The following PCDHGB3 variants were observed in gnomAD, a reference collection of about 807,000 sequenced individuals.
PCDHGB3 encodes protocadherin gamma subfamily B, 3.
A neutral mutation model predicts 59.2 loss-of-function variants in PCDHGB3; 40 were observed. The observed-to-expected ratio is 0.68, with a 90% confidence interval of 0.52 to 0.88. PCDHGB3 has a LOEUF of 0.88. Ranked by LOEUF, PCDHGB3 falls within the 40% of genes least tolerant of loss-of-function variation. PCDHGB3 has a pLI of 0.00. For missense variants in PCDHGB3, 1,309 were observed against 1,187.9 expected (o/e 1.10, Z -1.50); for synonymous variants, 581 against 503.6 (o/e 1.15, Z -2.06).
At chr5:141,383,550 C>T (rs1475330366) in intron 1 of PCDHGB3, 3 of 1,611,980 alleles carry the variant, frequency 1.9e-6, no homozygotes, top group Non-Finnish European at 1.7e-6. Flanking sequence ...CCTCTGATGG[C>T]GGCGACCCGC....
chr5:141,482,472 CTG>C (rs2099561247), intron 1 of PCDHGB3, among the ~76,000 whole-genome samples: 2 of 136,856 alleles, frequency 1.5e-5, no homozygotes, highest in Non-Finnish European at 3.0e-5. Context: ...GTGCCAGACA[CTG>C]TAAACAATTA....
chr5:141,428,349 G>A (rs555622676), intron 1 of PCDHGB3: 93 of 583,074 alleles, frequency 1.6e-4, no homozygotes, highest in African/African-American at 1.5e-3. Flanking sequence ...TCCTCGCAGT[G>A]ATTTTGGCGG....
At chr5:141,398,521 A>C in intron 1 of PCDHGB3, 1 of 1,613,690 alleles carries the variant, frequency 6.2e-7, no homozygotes, top group Non-Finnish European at 8.5e-7. Context: ...CCACACGCCA[A>C]AATTCACGCA....
rs902790467 is a variant in PCDHGB3 at position 141,395,519 on chromosome 5, C to A, written c.2415+22710C>A. 1.5e-5 allele frequency: 6 copies of A among 409,366 alleles called. 1 individual carries two copies. The highest frequency in any genetic ancestry group is 1.3e-4 in the African/African-American group (6 of 47,696). The allele number at this position is 409,366 out of a possible 1,614,324, so 25.4% of individuals were successfully genotyped here. On this transcript the variant is annotated intron_variant, in intron 1 of 3. Transcript: ENST00000576222. ...TTCACTTAAGAAGTAGCTACCCGTC[C>A]ATACTGGTAATTTTGCTATTGTTTG...
chr5:141,374,561 C>A, intron 1 of PCDHGB3: 1 of 1,613,628 alleles, frequency 6.2e-7, no homozygotes. Context: ...GGTCTATGAC[C>A]CTGATGTGGG....
At position 141,485,135 on chromosome 5, in the gene PCDHGB3, G is replaced by A; in HGVS notation, c.2416-9672G>A. 6.7e-7 allele frequency: 1 copy of A among 1,500,498 alleles called. No individual in the cohort carries two copies. Among genetic ancestry groups the A allele is most frequent in the East Asian group, 2.3e-5 (1 of 44,254 alleles). 92.9% of individuals were successfully genotyped at this position (1,500,498 alleles called of 1,614,324 possible). A position where few individuals can be genotyped will look rare whatever the true frequency, so the allele number is the denominator to read the frequency against. On this transcript the variant is annotated intron_variant, in intron 1 of 3. Coordinates refer to ENST00000576222, the MANE Select transcript of PCDHGB3 (RefSeq NM_018924.5). The surrounding 1 kb of genome is among the most constrained non-coding windows in gnomAD (Gnocchi z 5.7). ...TGTTTGGGGCGGGTCGGCTTCATCCGCGTCTCAGGAGCAAGTAGAGAATTA... is the reference window on the plus strand; with the variant it reads ...TGTTTGGGGCGGGTCGGCTTCATCCACGTCTCAGGAGCAAGTAGAGAATTA...
intron 2 of PCDHGB3, 54 bp from the exon 3 acceptor site, chr5:141,505,339 G>A: frequency 1.2e-6 from 2 of 1,612,236 alleles, no homozygotes; most frequent in Middle Eastern, 3.4e-4. Flanking sequence ...GACAGGAGGG[G>A]CATGAGCTGT....
intron 3 of PCDHGB3, among the ~76,000 whole-genome samples, chr5:141,508,761 C>G (rs943236216): frequency 6.6e-6 from 1 of 151,974 alleles, no homozygotes; most frequent in Admixed American, 6.6e-5. Context: ...TCTGGCGCCT[C>G]TGAGGTCCCC....
intron 1 of PCDHGB3, chr5:141,389,656 C>T (rs763730959): frequency 1.2e-6 from 2 of 1,612,538 alleles, no homozygotes; most frequent in Non-Finnish European, 1.7e-6. Context: ...AAGGTAGTGG[C>T]GGTGGACGCA....
rs1257565821 is a variant in PCDHGB3, at chr5:141,487,319, C to G, written c.2416-7488C>G. ...ATTCGTGGCACTACTCTCTAAGTGTCTTCGTGGGGCAGCCTGTGGAGTCAC... is the reference window on the plus strand; with the variant it reads ...ATTCGTGGCACTACTCTCTAAGTGTGTTCGTGGGGCAGCCTGTGGAGTCAC... On this transcript the variant is annotated intron_variant, in intron 1 of 3. Transcript: ENST00000576222. The surrounding 1 kb of genome is among the most constrained non-coding windows in gnomAD (Gnocchi z 5.0). The G allele has an allele frequency of 6.2e-7, 1 of 1,614,052 alleles. No homozygotes were observed. The highest frequency in any genetic ancestry group is 1.3e-5 in the African/African-American group (1 of 74,930).
chr5:141,501,478 T>A (rs536337246), intron 2 of PCDHGB3, among the ~76,000 whole-genome samples: 5 of 151,890 alleles, frequency 3.3e-5, no homozygotes, highest in Non-Finnish European at 7.4e-5. Flanking sequence ...CCTGGAAGAG[T>A]CCCTCATATC....
In PCDHGB3 at chr5:141,491,893, G is replaced by A; in HGVS notation, c.2416-2914G>A. The stretch of plus-strand genomic sequence containing the variant: ...GGCCGATTAAGGGATGGGGCTCCGA[G>A]CACCGGGGGTGGTGGCGACTGTGGG... On this transcript the variant is annotated intron_variant, in intron 1 of 3. Transcript: ENST00000576222. This position sits in a 1 kb window ranked among gnomAD's most constrained non-coding sequence, Gnocchi z 6.9. 9 of 1,438,856 alleles carry A rather than the reference G, an allele frequency of 6.3e-6. No individual in the cohort carries two copies. Among genetic ancestry groups the A allele is most frequent in the Non-Finnish European group, 8.3e-6 (9 of 1,088,104 alleles). 89.1% of individuals were successfully genotyped at this position (1,438,856 alleles called of 1,614,324 possible). A position where few individuals can be genotyped will look rare whatever the true frequency, so the allele number is the denominator to read the frequency against.
intron 2 of PCDHGB3, among the ~76,000 whole-genome samples, chr5:141,502,002 C>T (rs1434269040): frequency 1.3e-5 from 2 of 152,164 alleles, no homozygotes; most frequent in South Asian, 2.1e-4. Context: ...CCTGACAACC[C>T]GCATGCTCTC....
chr5:141,419,738 C>T (rs745596534), intron 1 of PCDHGB3: 2 of 1,613,796 alleles, frequency 1.2e-6, no homozygotes, highest in Non-Finnish European at 1.7e-6. Flanking sequence ...AGGCGAGGTG[C>T]GCATGGTGCG....
In PCDHGB3 at chr5:141,430,950, T is replaced by A. The variant is rs756423770; in HGVS notation, c.2415+58141T>A. 7 of 1,609,862 alleles carry A rather than the reference T, an allele frequency of 4.3e-6. No individual in the cohort carries two copies. Among genetic ancestry groups the A allele is most frequent in the Non-Finnish European group, 5.1e-6 (6 of 1,178,368 alleles). On this transcript the variant is annotated intron_variant, in intron 1 of 3. Transcript: ENST00000576222. ...CCCCGGGAGCTCGCGGAGCGCGGAG[T>A]CCGCATCATCCCCAGAGGTAGGACG... is the stretch of plus-strand genomic sequence containing the variant.
chr5:141,456,236 T>G (rs1299029934), intron 1 of PCDHGB3, among the ~76,000 whole-genome samples: 1 of 152,120 alleles, frequency 6.6e-6, no homozygotes, highest in African/African-American at 2.4e-5. Flanking sequence ...TAACTGCTGT[T>G]AGGAGGCTTT....
At chr5:141,442,445 T>A (rs2098325574) in intron 1 of PCDHGB3, 1 of 152,198 alleles carries the variant, frequency 6.6e-6, no homozygotes, top group South Asian at 2.1e-4. Flanking sequence ...CCCTCAGGAC[T>A]CAATAGCAGT....
intron 1 of PCDHGB3, chr5:141,398,251 C>G (rs753114593): frequency 6.8e-7 from 1 of 1,464,006 alleles, no homozygotes; most frequent in East Asian, 2.5e-5. Flanking sequence ...CGAGGAAATG[C>G]CCAAGGGCTC....
At position 141,383,174 on chromosome 5, in the gene PCDHGB3, G is replaced by C. The variant is rs771829169; in HGVS notation, c.2415+10365G>C. The C allele has an allele frequency of 1.1e-5, 18 of 1,613,966 alleles. No individual in the cohort carries two copies. Among genetic ancestry groups the C allele is most frequent in the Non-Finnish European group, 1.3e-5 (15 of 1,179,984 alleles). On this transcript the variant is annotated intron_variant, in intron 1 of 3. Coordinates refer to ENST00000576222, the MANE Select transcript of PCDHGB3 (RefSeq NM_018924.5). ...TTGGTCACTGCGGGCAGGATAGACC[G>C]GGAAGAGATCTGCGCTCAGAGTGCG...
Sources: allele counts gnomAD v4.1 joint callset (sites outside exome capture counted in the v4.1 genomes callset), GRCh38; gene constraint gnomAD v4.1.1; non-coding constraint Gnocchi (gnomAD v3.1); transcripts MANE v1.5; gene names NCBI Gene and HGNC (gene_info 2026-07-23, HGNC 2026-07-21).